DSP: variants seen among roughly 807,000 people sequenced by gnomAD.
DSP encodes the protein desmoplakin.
In DSP, 114 loss-of-function variants were observed where a neutral mutation model predicts 290.6. The ratio of observed to expected loss-of-function variants is 0.39; its 90% CI spans 0.34 to 0.46. The LOEUF is 0.46. Among genes scored for constraint, DSP ranks in the 20% least tolerant of loss-of-function variants. The pLI is 0.99. For missense variants in DSP, 3,230 were observed against 3,495.8 expected (o/e 0.92, Z 1.92); for synonymous variants, 1,311 against 1,316.4 (o/e 1.00, Z 0.09).
At chr6:7,572,972 A>C (rs1759100425) in intron 15 of DSP, among the ~76,000 whole-genome samples, 1 of 152,164 alleles carries the variant, frequency 6.6e-6, no homozygotes. Flanking sequence ...ACAGTATTAT[A>C]ATCTTACGGG....
Position 7,585,458 on chromosome 6 carries a change from C to T in DSP, c.8196C>T (p.Leu2732=). 1 of 1,614,166 alleles carries T rather than the reference C, an allele frequency of 6.2e-7. No individual in the cohort carries two copies. Among genetic ancestry groups the T allele is most frequent in the Non-Finnish European group, 8.5e-7 (1 of 1,180,024 alleles). The part of the protein sequence containing the change: ...AGQRFLEFQY[L]TGGLVDPEVH... ...AGCGCTTCCTGGAGTTCCAGTACCT[C>T]ACGGGAGGTCTTGTTGACCCGGAAG... is the stretch of plus-strand genomic sequence containing the variant. Residue 2732 remains leucine (L), a synonymous_variant, in exon 24 of 24, where the codon CTC becomes CTT. Coordinates refer to ENST00000379802, the MANE Select transcript of DSP (RefSeq NM_004415.4).
At chr6:7,557,935 C>A (rs769281210) in intron 2 of DSP, among the ~76,000 whole-genome samples, 181 bp from the exon 3 acceptor site, 1 of 152,202 alleles carries the variant, frequency 6.6e-6, no homozygotes, top group Admixed American at 6.5e-5. Context: ...AAAAGACAGT[C>A]CACAAACTTT....
chr6:7,552,325 G>A (rs1177183876), intron 1 of DSP, among the ~76,000 whole-genome samples: 1 of 151,968 alleles, frequency 6.6e-6, no homozygotes, highest in Non-Finnish European at 1.5e-5. Flanking sequence ...GGAGGCCGAG[G>A]TGGGCAGATC....
In DSP at chr6:7,558,274, A is replaced by G. The variant is rs201339857; in HGVS notation, c.422+10A>G. On this transcript the variant is annotated intron_variant, in intron 3 of 23. Coordinates refer to ENST00000379802, the MANE Select transcript of DSP (RefSeq NM_004415.4). ...ATGCTTACCAGAAAAGGTATTGTCC[A>G]CAGAGCATGGATCGGGCAGTCCCCA... is the stretch of plus-strand genomic sequence containing the variant. 8 of 1,613,218 alleles carry G rather than the reference A, an allele frequency of 5.0e-6. No homozygotes were observed. The highest frequency in any genetic ancestry group is 3.3e-5 in the Admixed American group (2 of 59,918).
chr6:7,563,897 ATGT>A (rs1758780859), intron 6 of DSP, 111 bp downstream of exon 6: 4 of 953,270 alleles, frequency 4.2e-6, no homozygotes, highest in South Asian at 2.6e-5. Flanking sequence ...ATCGATGCTA[ATGT>A]TGTTGCTGCT....
intron 16 of DSP, 126 bp downstream of exon 16, chr6:7,574,378 G>C (rs1759163096): frequency 1.9e-6 from 2 of 1,040,538 alleles, no homozygotes; most frequent in Non-Finnish European, 2.9e-6. Context: ...ATCCTTCTGT[G>C]GTTTGGAGAG....
Position 7,582,189 on chromosome 6 carries a change from AATT to A in DSP, c.5380-450_5380-448del, listed in dbSNP as rs1759460684. Among the ~76,000 whole-genome samples the A allele has an allele frequency of 6.8e-6, 1 of 146,440 alleles. No individual in the cohort carries two copies. The highest frequency in any genetic ancestry group is 2.5e-5 in the African/African-American group (1 of 40,298). On this transcript the variant is annotated intron_variant, in intron 23 of 23. Coordinates refer to ENST00000379802, the MANE Select transcript of DSP (RefSeq NM_004415.4). The surrounding 1 kb of genome is among the most constrained non-coding windows in gnomAD (Gnocchi z 4.2). ...GTGTATATCTATATATTATATATAT[AATT>A]ATATAATTACATAATATATATTTAT...
chr6:7,579,255 T>A lies in DSP; in HGVS notation c.3085-20T>A, dbSNP rs771088576. 3.7e-6 allele frequency: 6 copies of A among 1,613,634 alleles called. No individual in the cohort carries two copies. The highest frequency in any genetic ancestry group is 4.2e-6 in the Non-Finnish European group (5 of 1,179,842). ...GTGAGGTGTTTTTCTTTTGACATAA[T>A]CTCTGATTTCATTCCACAGCTGAAA... On this transcript the variant is annotated intron_variant, in intron 22 of 23. Transcript: ENST00000379802. The surrounding 1 kb of genome is among the most constrained non-coding windows in gnomAD (Gnocchi z 4.1).
intron 16 of DSP, 105 bp downstream of exon 16, chr6:7,574,357 G>A (rs1759162623): frequency 5.0e-6 from 6 of 1,202,752 alleles, no homozygotes; most frequent in Middle Eastern, 2.7e-4. Context: ...TGTTACTAGA[G>A]ATTTACTTAC....
In DSP at chr6:7,583,745, C is replaced by G. The variant is rs560775653; in HGVS notation, c.6483C>G (p.Ser2161=). The change falls in exon 24 of 24, where the codon TCC becomes TCG. Residue 2161 remains serine, a synonymous_variant. Coordinates refer to ENST00000379802, the MANE Select transcript of DSP (RefSeq NM_004415.4). This position sits in a 1 kb window ranked among gnomAD's most constrained non-coding sequence, Gnocchi z 4.0. ...RGLIDRDLYR[S]LNDPRDSQKN... Reference sequence around the variant, plus strand: ...TGATTGATAGAGATTTGTATCGATCCCTGAATGATCCCCGAGATAGTCAGA... The same window carrying G: ...TGATTGATAGAGATTTGTATCGATCGCTGAATGATCCCCGAGATAGTCAGA... The G allele has an allele frequency of 6.2e-7, 1 of 1,613,962 alleles. No individual in the cohort carries two copies. The highest frequency in any genetic ancestry group is 1.3e-5 in the African/African-American group (1 of 74,982).
intron 1 of DSP, among the ~76,000 whole-genome samples, chr6:7,543,838 G>C (rs1758093413): frequency 6.6e-6 from 1 of 152,110 alleles, no homozygotes; most frequent in South Asian, 2.1e-4. Flanking sequence ...CCTTTTGTAG[G>C]GGAGTAAAAC....
At position 7,580,918 on chromosome 6, in the gene DSP, G is replaced by A; in HGVS notation, c.4728G>A (p.Glu1576=). The change falls in exon 23 of 24, where the codon GAG becomes GAA. Residue 1576 remains glutamate (E), a synonymous_variant. Coordinates refer to ENST00000379802, the MANE Select transcript of DSP (RefSeq NM_004415.4). This position sits in a 1 kb window ranked among gnomAD's most constrained non-coding sequence, Gnocchi z 4.2. The stretch of plus-strand genomic sequence containing the variant: ...TGCAGAAGCAGAAGGTGGAAGAGGA[G>A]CTGAATCGGCTGAAGAGGACCGCGT... The part of the protein sequence containing the change: ...LQLQKQKVEE[E]LNRLKRTASE... 1.2e-6 allele frequency: 2 copies of A among 1,614,162 alleles called. No individual in the cohort carries two copies. The highest frequency in any genetic ancestry group is 1.7e-6 in the Non-Finnish European group (2 of 1,180,038).
intron 1 of DSP, among the ~76,000 whole-genome samples, chr6:7,548,988 A>C (rs923990861): frequency 1.3e-5 from 2 of 152,206 alleles, no homozygotes; most frequent in African/African-American, 2.4e-5. Flanking sequence ...TTTGCTCTCC[A>C]GGAGCAGGTA....
chr6:7,576,459 A>G lies in DSP; in HGVS notation c.2793+3A>G. The stretch of plus-strand genomic sequence containing the variant: ...TGCGGTTTTTGAATGAGCAGAAGGT[A>G]TAAGCCAACTTTTTGTTCCATAGCT... On this transcript the variant is annotated splice_donor_region_variant and intron_variant, in intron 19 of 23. Transcript: ENST00000379802. 6.2e-7 allele frequency: 1 copy of G among 1,614,126 alleles called. No individual in the cohort carries two copies. The highest frequency in any genetic ancestry group is 8.5e-7 in the Non-Finnish European group (1 of 1,179,988).
At position 7,548,135 on chromosome 6, in the gene DSP, C is replaced by T. The variant is rs563751083; in HGVS notation, c.170+6050C>T. Reference sequence around the variant, plus strand: ...TACAAAAATTAGCTGGGCGTGGTGGCGGGCTCCTGTAGTCGCAACTGCTCA... The same window carrying T: ...TACAAAAATTAGCTGGGCGTGGTGGTGGGCTCCTGTAGTCGCAACTGCTCA... On this transcript the variant is annotated intron_variant, in intron 1 of 23. Coordinates refer to ENST00000379802, the MANE Select transcript of DSP (RefSeq NM_004415.4). Among the ~76,000 whole-genome samples, 31 of 152,116 alleles carry T rather than the reference C, an allele frequency of 2.0e-4. No homozygotes were observed. In the South Asian group the frequency reaches 3.9e-3, roughly 19 times the overall value.
At position 7,579,201 on chromosome 6, in the gene DSP, G is replaced by A. The variant is rs1759337684; in HGVS notation, c.3085-74G>A. 6.3e-7 allele frequency: 1 copy of A among 1,580,206 alleles called. No individual in the cohort carries two copies. ...AATAAGAATGCACATTGGTCTGGGA[G>A]GGGAAAAGTACTGCTTCTTTCTTGG... On this transcript the variant is annotated intron_variant, in intron 22 of 23. Transcript: ENST00000379802. This position sits in a 1 kb window ranked among gnomAD's most constrained non-coding sequence, Gnocchi z 4.1.
At chr6:7,547,998 G>A (rs897653671) in intron 1 of DSP, among the ~76,000 whole-genome samples, 1 of 152,088 alleles carries the variant, frequency 6.6e-6, no homozygotes, top group Non-Finnish European at 1.5e-5. Context: ...TGCCGGGCGC[G>A]GTGGCTCACG....
intron 17 of DSP, 110 bp from the exon 18 acceptor site, chr6:7,575,185 G>A (rs1759196684): frequency 9.9e-7 from 1 of 1,014,558 alleles, no homozygotes; most frequent in African/African-American, 1.6e-5. Flanking sequence ...TTTAAATTAT[G>A]AATATTCTAA....
Position 7,574,797 on chromosome 6 carries a change from T to G in DSP, c.2436+2T>G. 1 of 1,614,172 alleles carries G rather than the reference T, an allele frequency of 6.2e-7. No individual in the cohort carries two copies. On this transcript the variant is annotated splice_donor_variant, in intron 17 of 23. Coordinates refer to ENST00000379802, the MANE Select transcript of DSP (RefSeq NM_004415.4). LOFTEE classifies it high-confidence loss of function. ...GAAGCTTACCGCTGTGGACTGAAGG[T>G]AACTTGAAAGCTTATAACAGTGGCC...
Sources: allele counts gnomAD v4.1 joint callset (sites outside exome capture counted in the v4.1 genomes callset), GRCh38; gene constraint gnomAD v4.1.1; non-coding constraint Gnocchi (gnomAD v3.1); transcripts MANE v1.5; gene names NCBI Gene and HGNC (gene_info 2026-07-23, HGNC 2026-07-21).